ZDHHC11: variants seen among roughly 807,000 people sequenced by gnomAD.
ZDHHC11 encodes the protein palmitoyltransferase ZDHHC11.
ZDHHC11 carries 44 observed loss-of-function variants against 51.3 expected under a neutral mutation model. The ratio of observed to expected loss-of-function variants is 0.86; its 90% confidence interval spans 0.67 to 1.10. The LOEUF (loss-of-function observed/expected upper bound fraction) is 1.10, where lower values mean the gene tolerates loss of function less well. Ranked by LOEUF, ZDHHC11 falls within the 50% of genes least tolerant of loss-of-function variation. The pLI is 0.00. For synonymous variants in ZDHHC11, 163 were observed against 222.0 expected (o/e 0.73, Z 2.36); for missense variants, 400 against 537.7 (o/e 0.74, Z 2.53).
At chr5:836,966 C>G (rs2150377425) in intron 6 of ZDHHC11, among the ~76,000 whole-genome samples, 1 of 151,176 alleles carries the variant, frequency 6.6e-6, no homozygotes, top group East Asian at 1.9e-4. Flanking sequence ...CTGAGGTAGG[C>G]AAACTGTTTG....
intron 3 of ZDHHC11, among the ~76,000 whole-genome samples, chr5:843,963 T>G (rs867830412): frequency 0.015 from 596 of 40,990 alleles, 6 homozygotes; most frequent in African/African-American, 0.07. Flanking sequence ...AGGTGGGGGG[T>G]GCAGAGGCAG....
Position 843,661 on chromosome 5 carries a change from C to A in ZDHHC11, c.567G>T (p.Leu189=), listed in dbSNP as rs770809004. 6.2e-7 allele frequency: 1 copy of A among 1,607,426 alleles called. No individual in the cohort carries two copies. The highest frequency in any genetic ancestry group is 8.5e-7 in the Non-Finnish European group (1 of 1,176,586). Residue 189 remains leucine (L), a synonymous_variant, in exon 4 of 13, where the codon CTG becomes CTT. Transcript: ENST00000283441. ...AGMLCLIAIL[L]YVLVQYLVNP... ...TCACGAGGTACTGGACGAGGACATA[C>A]AGCAGGATGGCGATCAGGCAGAGCA...
At position 840,999 on chromosome 5, in the gene ZDHHC11, G is replaced by A. The variant is rs576264054; in HGVS notation, c.629-349C>T. ...CAGCGCCCACCCCTTCCTAAGTGCC[G>A]GGGTCACAGCGCCCACCCCCCTTCC... On this transcript the variant is annotated intron_variant, in intron 4 of 12. Coordinates refer to ENST00000283441, the MANE Select transcript of ZDHHC11 (RefSeq NM_024786.3). The A allele has an allele frequency of 6.4e-5, 79 of 1,242,864 alleles. 1 individual carries two copies. Among genetic ancestry groups the A allele is most frequent in the Middle Eastern group, 3.3e-4 (1 of 3,004 alleles). 77.0% of individuals were successfully genotyped at this position (1,242,864 alleles called of 1,614,324 possible).
At chr5:799,469 A>G (rs1399150414) in intron 12 of ZDHHC11, among the ~76,000 whole-genome samples, 2 of 151,676 alleles carry the variant, frequency 1.3e-5, no homozygotes, top group Non-Finnish European at 2.9e-5. Flanking sequence ...ACAGACTAAG[A>G]CACGCCTTGT....
chr5:808,638 C>A (rs184601223), intron 11 of ZDHHC11, among the ~76,000 whole-genome samples: 3 of 148,602 alleles, frequency 2.0e-5, no homozygotes, highest in Non-Finnish European at 4.5e-5. Context: ...CAGGTTCAAG[C>A]GATTCTCCTG....
chr5:820,002 G>A (rs547911993), intron 9 of ZDHHC11, among the ~76,000 whole-genome samples: 7 of 151,184 alleles, frequency 4.6e-5, no homozygotes, highest in Admixed American at 1.3e-4. Flanking sequence ...GTGTCAGGTG[G>A]GTCAGGTGAC....
intron 8 of ZDHHC11, among the ~76,000 whole-genome samples, chr5:823,216 T>C (rs527274377): frequency 1.3e-5 from 2 of 151,012 alleles, no homozygotes; most frequent in African/African-American, 2.4e-5. Context: ...CCCGGAGATA[T>C]TCTAGGATTT....
intron 1 of ZDHHC11, among the ~76,000 whole-genome samples, chr5:856,802 GCACA>G (rs1748322154): frequency 1.4e-5 from 2 of 141,600 alleles, no homozygotes; most frequent in Non-Finnish European, 3.1e-5. Context: ...CACACACAGA[GCACA>G]CACACTTGCA....
At chr5:843,157 G>A (rs1745329127) in intron 4 of ZDHHC11, among the ~76,000 whole-genome samples, 2 of 152,284 alleles carry the variant, frequency 1.3e-5, no homozygotes, top group Non-Finnish European at 1.5e-5. Context: ...CTTGGCCAAG[G>A]GCCTCAGCGC....
At chr5:833,242 C>T (rs1216927436) in intron 7 of ZDHHC11, among the ~76,000 whole-genome samples, 3 of 152,228 alleles carry the variant, frequency 2.0e-5, no homozygotes, top group African/African-American at 4.8e-5. Context: ...TCTCAGCTTC[C>T]AAAATAAAAC....
Position 802,825 on chromosome 5 carries a change from C to CAAAAA in ZDHHC11, c.1182-1666_1182-1662dup, listed in dbSNP as rs70957306. The stretch of plus-strand genomic sequence containing the variant: ...TGTCTCTACTAAAAATACAAAAATA[C>CAAAAA]AAAAAAAAAAAAAAAAAAAAAAAAA... On this transcript the variant is annotated intron_variant, in intron 11 of 12. Transcript: ENST00000283441. 7.3e-4 allele frequency among the ~76,000 whole-genome samples: 14 copies of CAAAAA among 19,114 alleles called. 3 individuals carry two copies. Among genetic ancestry groups the CAAAAA allele is most frequent in the Non-Finnish European group, 1.3e-3 (8 of 5,928 alleles). The allele number at this position is 19,114 out of a possible 152,430, so 12.5% of individuals were successfully genotyped here.
Position 837,444 on chromosome 5 carries a change from TTAA to T in ZDHHC11, c.818_820del (p.Ile273del), listed in dbSNP as rs774436515. 45 of 1,609,944 alleles carry T rather than the reference TTAA, an allele frequency of 2.8e-5. No individual in the cohort carries two copies. The highest frequency in any genetic ancestry group is 3.6e-5 in the Non-Finnish European group (42 of 1,176,752). On this transcript the variant is annotated inframe_deletion, in exon 6 of 13. Coordinates refer to ENST00000283441, the MANE Select transcript of ZDHHC11 (RefSeq NM_024786.3). The stretch of plus-strand genomic sequence containing the variant: ...TTTTGAACTCTCTTCTTTGCGGTTA[TTAA>T]TGAGATACTCAAAGGTGGTCATCTT...
intron 10 of ZDHHC11, 50 bp downstream of exon 10, chr5:819,475 T>C (rs1215358230): frequency 6.3e-7 from 1 of 1,579,816 alleles, no homozygotes; most frequent in Admixed American, 1.7e-5. Context: ...AGACCACACA[T>C]TCTGCACATG....
At chr5:845,182 G>A (rs1192469418) in intron 3 of ZDHHC11, among the ~76,000 whole-genome samples, 1 of 152,292 alleles carries the variant, frequency 6.6e-6, no homozygotes, top group African/African-American at 2.4e-5. Context: ...CCTGACTGCT[G>A]CTCCCTCATA....
intron 8 of ZDHHC11, 69 bp from the exon 9 acceptor site, chr5:821,964 T>C: frequency 7.0e-7 from 1 of 1,422,480 alleles, no homozygotes; most frequent in South Asian, 1.3e-5. Flanking sequence ...AAAATTCAAG[T>C]CCATTTCTAG....
At chr5:841,177 GGGGTCACAGCA>G (rs1744848106) in intron 4 of ZDHHC11, 1 of 1,029,478 alleles carries the variant, frequency 9.7e-7, no homozygotes, top group Admixed American at 5.6e-5. Flanking sequence ...CCTAAGTGCC[GGGGTCACAGCA>G]CCCACCCCTT....
Position 805,388 on chromosome 5 carries a change from T to C in ZDHHC11, c.1182-4224A>G, listed in dbSNP as rs185399666. Among the ~76,000 whole-genome samples the C allele has an allele frequency of 9.2e-3, 1,385 of 150,820 alleles. 53 individuals carry two copies. The highest frequency in any genetic ancestry group is 0.031 in the African/African-American group (1,283 of 41,078). On this transcript the variant is annotated intron_variant, in intron 11 of 12. Coordinates refer to ENST00000283441, the MANE Select transcript of ZDHHC11 (RefSeq NM_024786.3). ...AGGAGTAGGAGGTTGTAGTGAGTTA[T>C]CACTGTGCACTCCAGCCTGGGCAAC...
chr5:851,872 A>G (rs1747277417), upstream of ZDHHC11, among the ~76,000 whole-genome samples: 1 of 152,202 alleles, frequency 6.6e-6, no homozygotes. Flanking sequence ...CCTGGGCAAC[A>G]CGGCGAAACC....
chr5:806,093 A>G (rs1739220390), intron 11 of ZDHHC11, among the ~76,000 whole-genome samples: 2 of 151,172 alleles, frequency 1.3e-5, no homozygotes, highest in South Asian at 2.1e-4. Flanking sequence ...GTTAGTGATC[A>G]TAATACTGAA....
Sources: gnomAD v4.1 joint callset for allele counts (sites outside exome capture counted in the v4.1 genomes callset) on GRCh38, gnomAD v4.1.1 for gene constraint, MANE v1.5 for transcripts, NCBI Gene and HGNC (gene_info 2026-07-23, HGNC 2026-07-21) for gene names.